The following SHANK2 variants were observed in gnomAD, a reference collection of about 807,000 sequenced individuals.
The protein encoded by SHANK2 is SH3 and multiple ankyrin repeat domains 2, also known as SH3 and multiple ankyrin repeat domains protein 2.
Under a neutral mutation model 133.7 loss-of-function variants are expected in SHANK2, and 43 were observed. That is an observed-to-expected ratio of 0.32 (90% CI 0.25 to 0.41). The LOEUF is 0.41. SHANK2 is among the 10% of genes least tolerant of loss of function. The pLI, the probability that SHANK2 is intolerant of heterozygous loss-of-function variation, is 1.00. For missense variants in SHANK2, 1,994 were observed against 2,235.8 expected (o/e 0.89, Z 2.18); for synonymous variants, 1,017 against 952.8 (o/e 1.07, Z -1.24).
intron 11 of SHANK2, among the ~76,000 whole-genome samples, chr11:70,872,596 G>C (rs1555070402): frequency 6.6e-6 from 1 of 151,974 alleles, no homozygotes; most frequent in African/African-American, 2.4e-5. Context: ...CCCCCATACA[G>C]AGGGGCCCCC....
At chr11:70,489,563 A>T in intron 23 of SHANK2, 1 of 605,344 alleles carries the variant, frequency 1.7e-6, no homozygotes, top group Non-Finnish European at 3.0e-6. Flanking sequence ...AACACACAGG[A>T]CAGTGCCCCT....
At chr11:70,633,229 T>C (rs932476707) in intron 17 of SHANK2, among the ~76,000 whole-genome samples, 1 of 148,436 alleles carries the variant, frequency 6.7e-6, no homozygotes, top group African/African-American at 2.4e-5. Flanking sequence ...TAAAAATATA[T>C]TGTATATAAT....
chr11:70,665,308 T>C (rs531899894), intron 15 of SHANK2, among the ~76,000 whole-genome samples: 6 of 152,242 alleles, frequency 3.9e-5, no homozygotes, highest in African/African-American at 1.4e-4. Flanking sequence ...GCCCAGCTAA[T>C]TTTTAATTTT....
chr11:71,134,665 C>A (rs1277328313), intron 3 of SHANK2, among the ~76,000 whole-genome samples: 48 of 152,210 alleles, frequency 3.2e-4, no homozygotes, highest in Non-Finnish European at 5.9e-5. Context: ...GTCACAAACT[C>A]TTGACCTCAA....
intron 17 of SHANK2, among the ~76,000 whole-genome samples, chr11:70,506,959 AC>A (rs2135855967): frequency 6.6e-6 from 1 of 152,354 alleles, no homozygotes; most frequent in South Asian, 2.1e-4. Flanking sequence ...TCCAGCGATT[AC>A]CAAGGGTCAA....
intron 11 of SHANK2, among the ~76,000 whole-genome samples, chr11:70,828,708 G>A (rs1195492635): frequency 1.3e-5 from 2 of 152,230 alleles, no homozygotes; most frequent in Non-Finnish European, 2.9e-5. Flanking sequence ...GCGCTGGGAG[G>A]CTGAGACGGG....
At chr11:70,516,324 C>G (rs1349709975) in intron 17 of SHANK2, among the ~76,000 whole-genome samples, 5 of 152,218 alleles carry the variant, frequency 3.3e-5, no homozygotes, top group African/African-American at 1.2e-4. Flanking sequence ...TAGACCCACA[C>G]AAATAGAGTC....
At chr11:71,144,355 G>A (rs1952608068) in intron 3 of SHANK2, among the ~76,000 whole-genome samples, 1 of 152,206 alleles carries the variant, frequency 6.6e-6, no homozygotes, top group Non-Finnish European at 1.5e-5. Flanking sequence ...ACCAGGGAAG[G>A]TGATGGATGC....
chr11:70,681,058 G>T (rs1287544417), intron 15 of SHANK2, among the ~76,000 whole-genome samples: 1 of 152,228 alleles, frequency 6.6e-6, no homozygotes, highest in Non-Finnish European at 1.5e-5. Context: ...CCAGCTGACA[G>T]GTGCCCTGAC....
At chr11:70,931,597 C>T (rs1280819502) in intron 10 of SHANK2, among the ~76,000 whole-genome samples, 12 of 152,330 alleles carry the variant, frequency 7.9e-5, no homozygotes, top group South Asian at 2.1e-4. Context: ...CACTGTCCAC[C>T]GGTCACCAGG....
chr11:70,553,763 T>G (rs909347031), intron 17 of SHANK2, among the ~76,000 whole-genome samples: 11 of 152,322 alleles, frequency 7.2e-5, no homozygotes, highest in African/African-American at 2.6e-4. Flanking sequence ...GAGCTTCCAG[T>G]GATGATCTGC....
At chr11:70,652,933 C>G (rs868925035) in intron 17 of SHANK2, among the ~76,000 whole-genome samples, 2 of 152,224 alleles carry the variant, frequency 1.3e-5, no homozygotes, top group Non-Finnish European at 1.5e-5. Context: ...ACCCAGCAAG[C>G]ATAATGACTG....
At chr11:70,941,930 A>G (rs1275656692) in intron 10 of SHANK2, among the ~76,000 whole-genome samples, 2 of 152,070 alleles carry the variant, frequency 1.3e-5, no homozygotes, top group African/African-American at 4.8e-5. Flanking sequence ...GTGGTGACTC[A>G]TTCCTGTAAT....
chr11:71,138,790 CAAAA>C (rs58396625), intron 3 of SHANK2, among the ~76,000 whole-genome samples: 1 of 82,940 alleles, frequency 1.2e-5, no homozygotes, highest in Non-Finnish European at 2.5e-5. Context: ...GACCCTATCT[CAAAA>C]AAAAAAAAAA....
Position 70,578,247 on chromosome 11 carries a change from G to C in SHANK2, c.2062-75316C>G, listed in dbSNP as rs552266994. On this transcript the variant is annotated intron_variant, in intron 17 of 25. Transcript: ENST00000601538. ...CTCGAATCCCGGCAGGATGCCTGCA[G>C]GGCACACTGTACTTCCCAGAACCAC... Among the ~76,000 whole-genome samples the C allele has an allele frequency of 2.1e-3, 316 of 147,664 alleles. 5 individuals are homozygous for C. The highest frequency in any genetic ancestry group is 7.4e-3 in the African/African-American group (300 of 40,584).
chr11:71,112,357 C>T (rs1565457971), intron 5 of SHANK2, among the ~76,000 whole-genome samples: 1 of 152,190 alleles, frequency 6.6e-6, no homozygotes, highest in Non-Finnish European at 1.5e-5. Flanking sequence ...TATGCCATTG[C>T]ACTGCAGCCT....
At chr11:70,642,587 G>A (rs2061198985) in intron 17 of SHANK2, among the ~76,000 whole-genome samples, 2 of 152,200 alleles carry the variant, frequency 1.3e-5, no homozygotes, top group Non-Finnish European at 2.9e-5. Context: ...CGCTAGCTGG[G>A]TGCTTCCCTC....
intron 8 of SHANK2, among the ~76,000 whole-genome samples, chr11:71,091,154 G>T (rs1245664114): frequency 6.6e-6 from 1 of 152,114 alleles, no homozygotes; most frequent in Non-Finnish European, 1.5e-5. Context: ...AAATCTCATG[G>T]CGGGTGCATG....
chr11:70,936,136 T>G (rs9667315), intron 10 of SHANK2, among the ~76,000 whole-genome samples: 8,579 of 152,284 alleles, frequency 0.056, 811 homozygotes, highest in African/African-American at 0.2. Flanking sequence ...GAGCTTATTC[T>G]CAAAATGTTC....
Sources: gnomAD v4.1 joint callset for allele counts (sites outside exome capture counted in the v4.1 genomes callset) on GRCh38, gnomAD v4.1.1 for gene constraint, MANE v1.5 for transcripts, NCBI Gene and HGNC (gene_info 2026-07-23, HGNC 2026-07-21) for gene names.